CSMD2: variants seen among roughly 807,000 people sequenced by gnomAD.
CSMD2 encodes CUB and Sushi multiple domains 2.
In CSMD2, 130 loss-of-function variants were observed where a neutral mutation model predicts 398.5. That is an observed-to-expected ratio of 0.33 (90% confidence interval 0.28 to 0.38). CSMD2 has a LOEUF of 0.38. CSMD2 is among the 10% of genes least tolerant of loss of function. The probability of loss-of-function intolerance (pLI) is 1.00; values close to 1 mark genes in which losing one functional copy is unlikely to be tolerated. For synonymous variants in CSMD2, 1,828 were observed against 1,908.5 expected, an observed-to-expected ratio of 0.96 and a Z score of 1.10; for missense variants, 3,829 against 4,764.9, an observed-to-expected ratio of 0.80 and a Z score of 5.78.
At chr1:34,030,441 T>C (rs1216945039) in intron 3 of CSMD2, among the ~76,000 whole-genome samples, 1 of 152,192 alleles carries the variant, frequency 6.6e-6, no homozygotes, top group Non-Finnish European at 1.5e-5. Context: ...AAACTTTATT[T>C]ACAAAAACAA....
chr1:33,673,904 A>T (rs1644605233), intron 25 of CSMD2, among the ~76,000 whole-genome samples: 1 of 152,236 alleles, frequency 6.6e-6, no homozygotes, highest in Non-Finnish European at 1.5e-5. Context: ...ACAGACAAGC[A>T]AATGCTGAGA....
rs78862536 is a variant in CSMD2, at chr1:33,813,721, C to T, written c.1325-2857G>A. Among the ~76,000 whole-genome samples the T allele has an allele frequency of 8.5e-3, 1,294 of 152,202 alleles. 3 individuals are homozygous for T. Among genetic ancestry groups the T allele is most frequent in the Middle Eastern group, 0.02 (6 of 294 alleles). ...TTGGTGCCAAAGAAGAGAACTGCTC[C>T]GGGTGCAAGTGCCTCTGGTCTCATA... On this transcript the variant is annotated intron_variant, in intron 9 of 70. Transcript: ENST00000373381.
intron 2 of CSMD2, among the ~76,000 whole-genome samples, chr1:34,055,241 ACAAT>A (rs1653694450): frequency 6.6e-6 from 1 of 152,206 alleles, no homozygotes; most frequent in Non-Finnish European, 1.5e-5. Context: ...TCACTCTACG[ACAAT>A]CAACACAGAA....
chr1:34,029,384 G>C (rs1462705592), intron 3 of CSMD2, among the ~76,000 whole-genome samples: 4 of 152,154 alleles, frequency 2.6e-5, no homozygotes, highest in Non-Finnish European at 5.9e-5. Context: ...AGTGAGTCAG[G>C]TACAGGTTCA....
rs538353379 is a variant in CSMD2, at chr1:33,665,220, C to T, written c.4053-2128G>A. 7.2e-4 allele frequency among the ~76,000 whole-genome samples: 109 copies of T among 152,040 alleles called. 1 individual carries two copies. Among genetic ancestry groups the T allele is most frequent in the African/African-American group, 2.4e-3 (100 of 41,470 alleles). On this transcript the variant is annotated intron_variant, in intron 25 of 70. Coordinates refer to ENST00000373381, the MANE Select transcript of CSMD2 (RefSeq NM_001281956.2). The stretch of plus-strand genomic sequence containing the variant: ...TCTCTTTTATATGATATATTTGTTG[C>T]TAATCTTTTCTCCTAGTGTCTGGTG...
At chr1:33,857,279 G>A (rs1009939064) in intron 5 of CSMD2, among the ~76,000 whole-genome samples, 1 of 152,164 alleles carries the variant, frequency 6.6e-6, no homozygotes, top group African/African-American at 2.4e-5. Context: ...CATCAAAAAT[G>A]GGGGAGAGGA....
At chr1:33,994,866 C>G (rs1436189483) in intron 3 of CSMD2, among the ~76,000 whole-genome samples, 1 of 152,030 alleles carries the variant, frequency 6.6e-6, no homozygotes, top group Non-Finnish European at 1.5e-5. Context: ...GAGATCGATA[C>G]CAGCCTGGCC....
At chr1:34,041,044 G>A (rs546219081) in intron 2 of CSMD2, among the ~76,000 whole-genome samples, 89 of 152,316 alleles carry the variant, frequency 5.8e-4, no homozygotes, top group Non-Finnish European at 1.1e-3. Flanking sequence ...AGGATTGCTT[G>A]AGCCCAGGAG....
At chr1:33,523,962 C>T (rs1326587812) in intron 66 of CSMD2, among the ~76,000 whole-genome samples, 1 of 152,128 alleles carries the variant, frequency 6.6e-6, no homozygotes, top group African/African-American at 2.4e-5. Context: ...TTCTAAGGTA[C>T]TTACTTTTTC....
chr1:33,637,902 C>T (rs1028752180), intron 29 of CSMD2, among the ~76,000 whole-genome samples: 4 of 152,160 alleles, frequency 2.6e-5, no homozygotes, highest in South Asian at 2.1e-4. Flanking sequence ...TGCTGAGGGC[C>T]GTCCTTGTCA....
chr1:34,025,069 A>G (rs187417925), intron 3 of CSMD2, among the ~76,000 whole-genome samples: 10 of 152,278 alleles, frequency 6.6e-5, no homozygotes, highest in South Asian at 2.1e-4. Flanking sequence ...ACCTCCAAAC[A>G]TCACAGAAGC....
At chr1:33,913,656 C>A (rs1455687023) in intron 5 of CSMD2, among the ~76,000 whole-genome samples, 1 of 152,118 alleles carries the variant, frequency 6.6e-6, no homozygotes, top group African/African-American at 2.4e-5. Context: ...TGAGAGGTGG[C>A]TGGTTTTGAG....
intron 33 of CSMD2, 105 bp downstream of exon 33, chr1:33,626,381 G>T: frequency 1.4e-6 from 1 of 733,634 alleles, no homozygotes; most frequent in South Asian, 2.3e-5. Context: ...CAAACACCCT[G>T]AGAAAGGGAC....
At chr1:34,126,490 G>T (rs1662752317) in intron 1 of CSMD2, among the ~76,000 whole-genome samples, 1 of 152,214 alleles carries the variant, frequency 6.6e-6, no homozygotes, top group Non-Finnish European at 1.5e-5. Context: ...TTCATGGGGG[G>T]CCCAGCCTGC....
intron 5 of CSMD2, among the ~76,000 whole-genome samples, chr1:33,900,350 G>C (rs914625468): frequency 2.0e-5 from 3 of 152,210 alleles, no homozygotes; most frequent in Non-Finnish European, 2.9e-5. Flanking sequence ...TTAGATCCCA[G>C]AGGAGCAGAA....
rs139848851 is a variant in CSMD2 at position 33,661,922 on chromosome 1, A to C, written c.4255+968T>G. Among the ~76,000 whole-genome samples, 47 of 152,276 alleles carry C rather than the reference A, an allele frequency of 3.1e-4. No homozygotes were observed. In the East Asian group the frequency reaches 7.4e-3, roughly 24 times the overall value. ...AGAAATTGCTCTGGAATCACCATGG[A>C]AACTCCCCCCCTCCCTCCCACCACA... is the stretch of plus-strand genomic sequence containing the variant. On this transcript the variant is annotated intron_variant, in intron 26 of 70. Transcript: ENST00000373381.
At chr1:34,002,042 T>C (rs1222369168) in intron 3 of CSMD2, among the ~76,000 whole-genome samples, 1 of 152,214 alleles carries the variant, frequency 6.6e-6, no homozygotes, top group African/African-American at 2.4e-5. Context: ...TGTTTTTTTT[T>C]CCATCTGTCG....
intron 3 of CSMD2, among the ~76,000 whole-genome samples, chr1:33,947,474 C>T (rs1016496030): frequency 5.9e-5 from 9 of 152,216 alleles, no homozygotes; most frequent in African/African-American, 1.2e-4. Context: ...TCCCCGTCCA[C>T]GGCCCTGAAG....
Position 33,864,118 on chromosome 1 carries a change from T to C in CSMD2, c.921-17122A>G. ...GCTGCAAGTACAGCACTTTCTAGAT[T>C]GCTCCTGGAGTGTGGGAACAACAGT... On this transcript the variant is annotated intron_variant, in intron 5 of 70. Transcript: ENST00000373381. 4 of 1,408,178 alleles carry C rather than the reference T, an allele frequency of 2.8e-6. No homozygotes were observed. The South Asian group carries it at 5.6e-5, about 20-fold the overall frequency. The allele number at this position is 1,408,178 out of a possible 1,614,324, so 87.2% of individuals were successfully genotyped here. A position where few individuals can be genotyped will look rare whatever the true frequency, so the allele number is the denominator to read the frequency against.
Sources: allele counts gnomAD v4.1 joint callset (sites outside exome capture counted in the v4.1 genomes callset), GRCh38; gene constraint gnomAD v4.1.1; transcripts MANE v1.5; gene names NCBI Gene and HGNC (gene_info 2026-07-23, HGNC 2026-07-21).